The following MCTP2 variants were observed in gnomAD, a reference collection of about 807,000 sequenced individuals.
MCTP2 encodes the protein multiple C2 and transmembrane domain-containing protein 2.
In MCTP2, 132 loss-of-function variants were observed where a neutral mutation model predicts 111.6. That is an observed-to-expected ratio of 1.18 (90% CI 1.03 to 1.37). The LOEUF (loss-of-function observed/expected upper bound fraction) is 1.37, where lower values mean the gene tolerates loss of function less well. Ranked by LOEUF, MCTP2 falls within the 40% of genes most tolerant of loss-of-function variation. The pLI, the probability that MCTP2 is intolerant of heterozygous loss-of-function variation, is 0.00. For missense variants in MCTP2, 1,183 were observed against 1,067.9 expected, an observed-to-expected ratio of 1.11 and a Z score of -1.50; for synonymous variants, 395 against 387.7, an observed-to-expected ratio of 1.02 and a Z score of -0.22.
intron 10 of MCTP2, among the ~76,000 whole-genome samples, chr15:94,365,375 T>C (rs1357370167): frequency 6.6e-6 from 1 of 152,166 alleles, no homozygotes; most frequent in African/African-American, 2.4e-5. Flanking sequence ...AAGGGACTGA[T>C]TTTTTTGTAA....
chr15:94,333,051 G>T (rs557600823), intron 4 of MCTP2, among the ~76,000 whole-genome samples: 2 of 152,172 alleles, frequency 1.3e-5, no homozygotes, highest in Non-Finnish European at 2.9e-5. Flanking sequence ...CCCGGCCAAC[G>T]TGGTGAAACC....
intron 1 of MCTP2, among the ~76,000 whole-genome samples, chr15:94,297,587 A>C (rs550394598): frequency 6.6e-6 from 1 of 152,252 alleles, no homozygotes; most frequent in African/African-American, 2.4e-5. Context: ...CTGGGAAGGA[A>C]GTTGACATGG....
At chr15:94,410,201 AAC>A (rs950873902) in intron 17 of MCTP2, among the ~76,000 whole-genome samples, 6 of 151,888 alleles carry the variant, frequency 4.0e-5, no homozygotes, top group South Asian at 2.1e-4. Context: ...GCCTCGCTAA[AAC>A]ACACACACAC....
intron 17 of MCTP2, among the ~76,000 whole-genome samples, chr15:94,429,292 T>C: frequency 6.6e-6 from 1 of 152,260 alleles, no homozygotes; most frequent in Admixed American, 6.5e-5. Flanking sequence ...TGCCTCATAA[T>C]TTTATTTATC....
chr15:94,245,635 C>A (rs914577164), intron 1 of MCTP2, among the ~76,000 whole-genome samples: 3 of 138,330 alleles, frequency 2.2e-5, no homozygotes, highest in African/African-American at 2.7e-5. Flanking sequence ...TATACATATA[C>A]TTATACATAT....
intron 17 of MCTP2, among the ~76,000 whole-genome samples, chr15:94,404,536 T>C (rs992774360): frequency 6.6e-6 from 1 of 152,134 alleles, no homozygotes; most frequent in Non-Finnish European, 1.5e-5. Flanking sequence ...CTCGACCTTG[T>C]GATCCACCCA....
chr15:94,426,465 CA>C (rs1303135397), intron 17 of MCTP2, among the ~76,000 whole-genome samples: 1 of 152,116 alleles, frequency 6.6e-6, no homozygotes, highest in Admixed American at 6.5e-5. Flanking sequence ...CTCCAAATCA[CA>C]AATTCTCTCT....
At position 94,480,370 on chromosome 15, in the gene MCTP2, A is replaced by ATGTT. The variant is rs2074667667; in HGVS notation, c.*1338_*1341dup. The stretch of plus-strand genomic sequence containing the variant: ...TGTAATTTAATAATCTTCAAACAAA[A>ATGTT]TGTTTACGAAAAATGCCAAAGATTC... On this transcript the variant is annotated 3_prime_UTR_variant, in exon 23 of 23. Transcript: ENST00000357742. The ATGTT allele has an allele frequency of 6.6e-6, 1 of 152,074 alleles. No homozygotes were observed. Among genetic ancestry groups the ATGTT allele is most frequent in the South Asian group, 2.1e-4 (1 of 4,820 alleles). The allele number at this position is 152,074 out of a possible 1,614,324, so 9.4% of individuals were successfully genotyped here. A position where few individuals can be genotyped will look rare whatever the true frequency, so the allele number is the denominator to read the frequency against.
At chr15:94,234,832 CTTTGTT>C (rs2070431079) in intron 1 of MCTP2, among the ~76,000 whole-genome samples, 1 of 152,160 alleles carries the variant, frequency 6.6e-6, no homozygotes. Flanking sequence ...GATCACAGTG[CTTTGTT>C]ATAGGCTTGC....
In MCTP2 at chr15:94,248,455, A is replaced by G. The variant is rs367569275; in HGVS notation, c.-66+16791A>G. 2.0e-4 allele frequency among the ~76,000 whole-genome samples: 30 copies of G among 152,264 alleles called. No homozygotes were observed. The South Asian group carries it at 6.0e-3, about 30-fold the overall frequency. On this transcript the variant is annotated intron_variant, in intron 1 of 22. Transcript: ENST00000357742. ...CCAAGTTGGCTGAACTTTGCTCCCA[A>G]TGAGAGCTCCTTCTGTGTTTACTTT...
chr15:94,306,116 A>G (rs1426419951), intron 2 of MCTP2, among the ~76,000 whole-genome samples: 1 of 152,184 alleles, frequency 6.6e-6, no homozygotes, highest in Admixed American at 6.5e-5. Context: ...ACCAGTTGAG[A>G]TGAATGGGGA....
chr15:94,317,552 G>A (rs1214398714), intron 4 of MCTP2, among the ~76,000 whole-genome samples: 3 of 152,132 alleles, frequency 2.0e-5, no homozygotes, highest in African/African-American at 7.2e-5. Flanking sequence ...TTTTTGTGCT[G>A]AACCCACCAG....
At chr15:94,416,594 C>T (rs979893062) in intron 17 of MCTP2, among the ~76,000 whole-genome samples, 4 of 152,086 alleles carry the variant, frequency 2.6e-5, no homozygotes, top group African/African-American at 7.2e-5. Flanking sequence ...AAAAATCTGG[C>T]CCACATGAAG....
intron 1 of MCTP2, among the ~76,000 whole-genome samples, chr15:94,260,409 A>C (rs953452780): frequency 6.6e-6 from 1 of 152,140 alleles, no homozygotes; most frequent in South Asian, 2.1e-4. Flanking sequence ...TTCTTTCCAG[A>C]GTGACAGTGC....
chr15:94,315,879 A>G (rs530476261), intron 4 of MCTP2, among the ~76,000 whole-genome samples: 4 of 152,346 alleles, frequency 2.6e-5, no homozygotes, highest in Admixed American at 2.0e-4. Flanking sequence ...TTTAGAATGG[A>G]ATGAGATAAC....
chr15:94,362,097 A>G (rs1317405085), intron 10 of MCTP2, among the ~76,000 whole-genome samples: 1 of 152,138 alleles, frequency 6.6e-6, no homozygotes, highest in Non-Finnish European at 1.5e-5. Flanking sequence ...AAGATCAACC[A>G]TCGCCTGAAA....
intron 7 of MCTP2, 66 bp downstream of exon 7, chr15:94,340,990 TG>T: frequency 1.0e-6 from 1 of 968,830 alleles, no homozygotes; most frequent in Non-Finnish European, 1.7e-6. Context: ...TCATTGCAAT[TG>T]TCCCTTGATA....
intron 17 of MCTP2, among the ~76,000 whole-genome samples, chr15:94,415,613 T>C (rs560449598): frequency 2.6e-5 from 4 of 152,282 alleles, no homozygotes; most frequent in African/African-American, 9.6e-5. Flanking sequence ...AGGTGAACTT[T>C]AGGATTCCCT....
intron 1 of MCTP2, among the ~76,000 whole-genome samples, chr15:94,245,506 GTATACATATATGTATATATTTA>G (rs1425936769): frequency 4.4e-5 from 6 of 136,898 alleles, no homozygotes; most frequent in African/African-American, 1.6e-4. Flanking sequence ...ATTTATATAT[GTATACATATATGTATATATTTA>G]TATACATACA....
Sources: gnomAD v4.1 joint callset for allele counts (sites outside exome capture counted in the v4.1 genomes callset) on GRCh38, gnomAD v4.1.1 for gene constraint, MANE v1.5 for transcripts, NCBI Gene and HGNC (gene_info 2026-07-23, HGNC 2026-07-21) for gene names.